Variants in FLACC1 observed in about 807,000 individuals in gnomAD.
The protein encoded by FLACC1 is flagellum associated containing coiled-coil domains 1.
Under a neutral mutation model 62.8 loss-of-function variants are expected in FLACC1, and 66 were observed. That is an observed-to-expected ratio of 1.05 (90% CI 0.86 to 1.29). FLACC1 has a LOEUF of 1.29. FLACC1 is among the 50% of genes most tolerant of loss of function. The pLI, the probability that FLACC1 is intolerant of heterozygous loss-of-function variation, is 0.00. For missense variants in FLACC1, 452 were observed against 489.1 expected, an observed-to-expected ratio of 0.92 and a Z score of 0.71; for synonymous variants, 156 against 161.0, an observed-to-expected ratio of 0.97 and a Z score of 0.24.
intron 12 of FLACC1, among the ~76,000 whole-genome samples, chr2:201,297,907 G>A (rs1949899626): frequency 6.6e-6 from 1 of 152,150 alleles, no homozygotes; most frequent in African/African-American, 2.4e-5. Flanking sequence ...ACAGGAGGAG[G>A]AAAGGAAGTT....
chr2:201,355,631 G>A (rs1951104634), intron 1 of FLACC1, among the ~76,000 whole-genome samples: 1 of 152,080 alleles, frequency 6.6e-6, no homozygotes, highest in African/African-American at 2.4e-5. Context: ...AGACTGAGGT[G>A]GGAGAGTCGC....
At chr2:201,336,922 G>A (rs969138227) in intron 7 of FLACC1, among the ~76,000 whole-genome samples, 1 of 152,006 alleles carries the variant, frequency 6.6e-6, no homozygotes. Context: ...ATACTTGTTG[G>A]CTATTCGTAT....
At chr2:201,350,867 A>G (rs1559423072) in intron 2 of FLACC1, 85 bp from the exon 3 acceptor site, 1 of 1,150,246 alleles carries the variant, frequency 8.7e-7, no homozygotes, top group Non-Finnish European at 1.3e-6. Context: ...GTACATCCCT[A>G]TAGTGACCCA....
chr2:201,334,139 T>C (rs1449605629), intron 7 of FLACC1, among the ~76,000 whole-genome samples: 1 of 151,786 alleles, frequency 6.6e-6, no homozygotes, highest in Non-Finnish European at 1.5e-5. Flanking sequence ...ATTGTGGTTT[T>C]GATTTGCATT....
At chr2:201,345,882 A>T (rs1950903596) in intron 5 of FLACC1, among the ~76,000 whole-genome samples, 1 of 152,140 alleles carries the variant, frequency 6.6e-6, no homozygotes, top group African/African-American at 2.4e-5. Flanking sequence ...AATGAAAAAG[A>T]GGCTGGGCGC....
chr2:201,340,573 C>T (rs1055305971), intron 7 of FLACC1, among the ~76,000 whole-genome samples: 2 of 152,130 alleles, frequency 1.3e-5, no homozygotes, highest in Non-Finnish European at 2.9e-5. Flanking sequence ...TATGATTTAT[C>T]ATTGAAAATT....
chr2:201,318,822 T>G (rs1205364190), intron 9 of FLACC1, among the ~76,000 whole-genome samples: 1 of 152,220 alleles, frequency 6.6e-6, no homozygotes, highest in Non-Finnish European at 1.5e-5. Flanking sequence ...GGAGACTTAT[T>G]CTAAGTGAAG....
At chr2:201,300,223 C>T (rs916765238) in intron 11 of FLACC1, among the ~76,000 whole-genome samples, 78 of 152,200 alleles carry the variant, frequency 5.1e-4, no homozygotes, top group Non-Finnish European at 1.1e-3. Context: ...TCACTCCCAC[C>T]CTAATACTGT....
chr2:201,292,919 C>G (rs1463985448), intron 12 of FLACC1, among the ~76,000 whole-genome samples: 1 of 152,038 alleles, frequency 6.6e-6, no homozygotes, highest in Non-Finnish European at 1.5e-5. Flanking sequence ...TCAAAAGAGA[C>G]AAAGAAGGCC....
intron 7 of FLACC1, among the ~76,000 whole-genome samples, chr2:201,332,951 T>G (rs1381066156): frequency 6.6e-6 from 1 of 152,244 alleles, no homozygotes; most frequent in Non-Finnish European, 1.5e-5. Context: ...TCTTTATCCA[T>G]TGATCAACTG....
At chr2:201,363,324 A>C in the FLACC1 span, among the ~76,000 whole-genome samples, 1 of 151,928 alleles carries the variant, frequency 6.6e-6, no homozygotes, top group Non-Finnish European at 1.5e-5. Context: ...CTCTAGGCAG[A>C]TCTCCAGGCA....
At chr2:201,348,189 C>T in intron 4 of FLACC1, 65 bp downstream of exon 4, 1 of 1,487,504 alleles carries the variant, frequency 6.7e-7, no homozygotes. Flanking sequence ...GTAAAGGGCC[C>T]ATGCTTGCAC....
the FLACC1 span, among the ~76,000 whole-genome samples, chr2:201,363,294 G>A: frequency 6.6e-6 from 1 of 151,564 alleles, no homozygotes; most frequent in Non-Finnish European, 1.5e-5. Context: ...TGTGGTGCAA[G>A]GGTGCCCTCT....
chr2:201,346,585 T>C lies in FLACC1; in HGVS notation c.325A>G (p.Lys109Glu), dbSNP rs777440829. ...TCCGGGATCTCCGATTCCCACCGCTTTTTCCTATCAAACATCTCATCCCCT... is the reference window on the plus strand; with the variant it reads ...TCCGGGATCTCCGATTCCCACCGCTCTTTCCTATCAAACATCTCATCCCCT... ...TLGDEMFDRKKRWESEIPDKG... is the reference protein window; with the variant it reads ...TLGDEMFDRKERWESEIPDKG... The change falls in exon 5 of 15, where the codon AAG becomes GAG. Residue 109 changes from lysine to glutamate, a missense_variant. Around this residue, in one of 3 missense-constraint regions of FLACC1, gnomAD observed 147 missense variants for 152.7 expected, o/e 0.96. Transcript: ENST00000392257. The surrounding 1 kb of genome is among the most constrained non-coding windows in gnomAD (Gnocchi z 4.0). 1.2e-6 allele frequency: 2 copies of C among 1,614,136 alleles called. No individual in the cohort carries two copies. The highest frequency in any genetic ancestry group is 3.3e-5 in the Admixed American group (2 of 60,030).
chr2:201,316,896 T>C (rs1950317367), intron 9 of FLACC1, among the ~76,000 whole-genome samples: 1 of 152,082 alleles, frequency 6.6e-6, no homozygotes, highest in African/African-American at 2.4e-5. Flanking sequence ...AGGCTTAACA[T>C]ACTCAAGTCA....
intron 9 of FLACC1, among the ~76,000 whole-genome samples, chr2:201,328,409 T>C (rs1950534834): frequency 1.3e-5 from 2 of 152,048 alleles, no homozygotes; most frequent in South Asian, 4.1e-4. Flanking sequence ...TCAAATTTAT[T>C]TCTTTTTTAT....
intron 7 of FLACC1, among the ~76,000 whole-genome samples, chr2:201,333,881 T>C (rs1188842186): frequency 3.3e-5 from 5 of 152,272 alleles, no homozygotes; most frequent in Admixed American, 3.3e-4. Flanking sequence ...GCATGTGTCT[T>C]TATAGCAGCA....
chr2:201,317,001 C>T (rs186809919), intron 9 of FLACC1, among the ~76,000 whole-genome samples: 2 of 152,110 alleles, frequency 1.3e-5, no homozygotes, highest in Non-Finnish European at 2.9e-5. Flanking sequence ...ATCCAGCATG[C>T]TTTATGATTA....
intron 1 of FLACC1, chr2:201,351,939 T>C (rs1052790057): frequency 6.6e-6 from 1 of 152,156 alleles, no homozygotes; most frequent in Non-Finnish European, 1.5e-5. Flanking sequence ...TGAGACTTCG[T>C]CTCAAAAAAT....
Sources: gnomAD v4.1 joint callset for allele counts (sites outside exome capture counted in the v4.1 genomes callset) on GRCh38, gnomAD v4.1.1 for gene constraint, gnomAD v4.1.1 regional missense constraint, Gnocchi (gnomAD v3.1) non-coding constraint, MANE v1.5 for transcripts, NCBI Gene and HGNC (gene_info 2026-07-23, HGNC 2026-07-21) for gene names.